Variants in TOP1MT observed in about 807,000 individuals in gnomAD.
The protein encoded by TOP1MT is DNA topoisomerase I mitochondrial.
A neutral mutation model predicts 73.9 loss-of-function variants in TOP1MT; 80 were observed. That is an observed-to-expected ratio of 1.08 (90% CI 0.90 to 1.30). TOP1MT has a LOEUF of 1.30. Among genes scored for constraint, TOP1MT ranks in the 50% most tolerant of loss-of-function variants. The pLI is 0.00. For missense variants in TOP1MT, 815 were observed against 808.0 expected, an observed-to-expected ratio of 1.01 and a Z score of -0.10; for synonymous variants, 338 against 326.4, an observed-to-expected ratio of 1.04 and a Z score of -0.38.
chr8:143,323,763 G>C (rs1318786680), intron 7 of TOP1MT, among the ~76,000 whole-genome samples: 3 of 109,392 alleles, frequency 2.7e-5, no homozygotes, highest in African/African-American at 8.0e-5. Flanking sequence ...GCCCCACACA[G>C]ACATGCCACA....
upstream of TOP1MT, among the ~76,000 whole-genome samples, chr8:143,337,093 C>T (rs1816994365): frequency 6.6e-6 from 1 of 152,152 alleles, no homozygotes; most frequent in South Asian, 2.1e-4. Flanking sequence ...AATAAATGAG[C>T]AGCCATCCCA....
chr8:143,333,692 C>A, intron 1 of TOP1MT: 1 of 152,524 alleles, frequency 6.6e-6, no homozygotes. Flanking sequence ...CACCAAGCAC[C>A]ACCATCAGAC....
upstream of TOP1MT, among the ~76,000 whole-genome samples, chr8:143,335,278 T>G (rs995546810): frequency 2.6e-5 from 4 of 152,176 alleles, no homozygotes; most frequent in African/African-American, 9.7e-5. Context: ...TCTGCTGCTC[T>G]GGAGAAGGGA....
upstream of TOP1MT, among the ~76,000 whole-genome samples, chr8:143,337,933 A>G (rs1817010129): frequency 1.3e-5 from 2 of 152,160 alleles, no homozygotes; most frequent in South Asian, 4.1e-4. Context: ...TCACCGGTGC[A>G]TGCGGCCCCA....
chr8:143,315,427 A>C (rs1347592955), intron 12 of TOP1MT, among the ~76,000 whole-genome samples: 1 of 152,034 alleles, frequency 6.6e-6, no homozygotes, highest in Non-Finnish European at 1.5e-5. Flanking sequence ...GACCCACGTG[A>C]TCTCACCTAT....
At chr8:143,312,762 T>C (rs1816046848) in intron 12 of TOP1MT, among the ~76,000 whole-genome samples, 2 of 152,230 alleles carry the variant, frequency 1.3e-5, no homozygotes, top group Admixed American at 1.3e-4. Flanking sequence ...AAAGTAAAAC[T>C]ATCTCTGTTT....
intron 1 of TOP1MT, 74 bp downstream of exon 1, chr8:143,334,666 T>C: frequency 6.4e-7 from 1 of 1,565,004 alleles, no homozygotes; most frequent in East Asian, 2.5e-5. Flanking sequence ...CCACGAGGCC[T>C]GCCACTCCCC....
In TOP1MT at chr8:143,315,733, G is replaced by T. The variant is rs1261998617; in HGVS notation, c.1547C>A (p.Ser516Tyr). Residue 516 changes from serine (S) to tyrosine (Y), a missense_variant, in exon 12 of 14, where the codon TCC becomes TAC. Around this residue, in one of 3 missense-constraint regions of TOP1MT, gnomAD observed 751 missense variants for 725.4 expected, o/e 1.04. Transcript: ENST00000329245. ...AEHKAQGDGK[S>Y]RSVLEKKRRL... is the part of the protein sequence containing the mutation. ...TGAGGGCACGGGTACTCACCTCCTG[G>T]ACTTGCCATCCCCTTGGGCTTTGTG... is the stretch of plus-strand genomic sequence containing the variant. 2 of 1,613,896 alleles carry T rather than the reference G, an allele frequency of 1.2e-6. No homozygotes were observed. Among genetic ancestry groups the T allele is most frequent in the Non-Finnish European group, 1.7e-6 (2 of 1,179,888 alleles).
rs569356467 is a variant in TOP1MT, at chr8:143,309,332, G to C, written c.*109C>G. On this transcript the variant is annotated 3_prime_UTR_variant, in exon 14 of 14. Coordinates refer to ENST00000329245, the MANE Select transcript of TOP1MT (RefSeq NM_052963.3). ...CCGGCCGGCCTGGGGACTTTTTCTA[G>C]TGATGTACAAGCACTTGCACACATT... 37 of 1,223,670 alleles carry C rather than the reference G, an allele frequency of 3.0e-5. No homozygotes were observed. The highest frequency in any genetic ancestry group is 1.9e-4 in the Middle Eastern group (1 of 5,228). The allele number at this position is 1,223,670 out of a possible 1,614,324, so 75.8% of individuals were successfully genotyped here.
chr8:143,315,846 G>A, intron 11 of TOP1MT, 25 bp from the exon 12 acceptor site: 1 of 1,611,174 alleles, frequency 6.2e-7, no homozygotes, highest in Non-Finnish European at 8.5e-7. Context: ...TCCAGACAGG[G>A]CTGCCCCTCC....
chr8:143,331,133 G>C, intron 2 of TOP1MT, 91 bp downstream of exon 2: 1 of 986,882 alleles, frequency 1.0e-6, no homozygotes, highest in Non-Finnish European at 1.5e-6. Context: ...AGCCTGCAGG[G>C]GGGCTGAGGG....
At chr8:143,337,805 G>A (rs1271072505), upstream of TOP1MT, among the ~76,000 whole-genome samples, 1 of 152,170 alleles carries the variant, frequency 6.6e-6, no homozygotes, top group African/African-American at 2.4e-5. Context: ...ACAGCCCGGC[G>A]CCACACCCCA....
At chr8:143,312,945 G>A (rs1026090547) in intron 12 of TOP1MT, among the ~76,000 whole-genome samples, 5 of 152,166 alleles carry the variant, frequency 3.3e-5, no homozygotes, top group South Asian at 2.1e-4. Flanking sequence ...AGTTGTGGCC[G>A]TTGGCACCTG....
intron 7 of TOP1MT, 137 bp downstream of exon 7, chr8:143,323,862 C>T: frequency 2.1e-6 from 2 of 936,282 alleles, no homozygotes; most frequent in Non-Finnish European, 3.3e-6. Flanking sequence ...CACGTGTGCA[C>T]ATGCACACAC....
At chr8:143,322,459 C>CCA (rs1816472977) in intron 7 of TOP1MT, among the ~76,000 whole-genome samples, 2 of 91,454 alleles carry the variant, frequency 2.2e-5, no homozygotes, top group African/African-American at 4.9e-5. Flanking sequence ...CACAGGCATG[C>CCA]CACACAGGCA....
At chr8:143,347,260 T>C (rs553507160), upstream of TOP1MT, among the ~76,000 whole-genome samples, 1 of 152,306 alleles carries the variant, frequency 6.6e-6, no homozygotes, top group African/African-American at 2.4e-5. Context: ...GTTCACGCCG[T>C]TCTACTGCCT....
At position 143,326,262 on chromosome 8, in the gene TOP1MT, T is replaced by A; in HGVS notation, c.443A>T (p.Lys148Met). ...GCTCAGGACTTTCCGGGCTGCGGCCTTGTCCACAAAGTATCTGTGGATCTC... is the reference window on the plus strand; with the variant it reads ...GCTCAGGACTTTCCGGGCTGCGGCCATGTCCACAAAGTATCTGTGGATCTC... ...FTEIHRYFVDKAAARKVLSRE... is the reference protein window; with the variant it reads ...FTEIHRYFVDMAAARKVLSRE... The change falls in exon 4 of 14, where the codon AAG (lysine) becomes ATG (methionine). Residue 148 changes from lysine to methionine, a missense_variant. Lys to Met is a moderately conservative substitution (Grantham distance 95). Transcript: ENST00000329245. 1 of 1,614,048 alleles carries A rather than the reference T, an allele frequency of 6.2e-7. No individual in the cohort carries two copies. The highest frequency in any genetic ancestry group is 1.3e-5 in the African/African-American group (1 of 75,068).
At chr8:143,339,354 G>A (rs547487721), upstream of TOP1MT, among the ~76,000 whole-genome samples, 2 of 152,336 alleles carry the variant, frequency 1.3e-5, no homozygotes, top group East Asian at 1.9e-4. Flanking sequence ...GGAGAGCTGC[G>A]CAGCTCGTGG....
intron 1 of TOP1MT, among the ~76,000 whole-genome samples, chr8:143,354,363 T>C (rs550806237): frequency 6.6e-6 from 1 of 152,040 alleles, no homozygotes; most frequent in South Asian, 2.1e-4. Context: ...TCCATGGAAA[T>C]AGAAAGTAGA....
Sources: gnomAD v4.1 joint callset for allele counts (sites outside exome capture counted in the v4.1 genomes callset) on GRCh38, gnomAD v4.1.1 for gene constraint, gnomAD v4.1.1 regional missense constraint, MANE v1.5 for transcripts, NCBI Gene and HGNC (gene_info 2026-07-23, HGNC 2026-07-21) for gene names.